Variants in TOR3A observed in about 807,000 individuals in gnomAD.
TOR3A encodes torsin family 3 member A, also known as torsin-3A.
A neutral mutation model predicts 42.1 loss-of-function variants in TOR3A; 44 were observed. The ratio of observed to expected loss-of-function variants is 1.04; its 90% confidence interval spans 0.82 to 1.34. The LOEUF (loss-of-function observed/expected upper bound fraction) is 1.34. Ranked by LOEUF, TOR3A falls within the 40% of genes most tolerant of loss-of-function variation. The pLI is 0.00. For synonymous variants in TOR3A, 227 were observed against 213.2 expected (o/e 1.06, Z -0.57); for missense variants, 521 against 507.6 (o/e 1.03, Z -0.25).
chr1:179,085,689 A>G lies in TOR3A; in HGVS notation c.435A>G (p.Leu145=). ...AGCATTTGGTCCAGCAGCTGGTCCT[A>G]AGAACAGTGAGGGGCTACTTAGAGA... The part of the protein sequence containing the change: ...HGQHLVQQLV[L]RTVRGYLETP... The change falls in exon 3 of 6, where the codon CTA becomes CTG. Residue 145 remains leucine (L), a synonymous_variant. Coordinates refer to ENST00000367627, the MANE Select transcript of TOR3A (RefSeq NM_022371.4). 1.2e-6 allele frequency: 2 copies of G among 1,614,180 alleles called. No homozygotes were observed. Among genetic ancestry groups the G allele is most frequent in the Non-Finnish European group, 1.7e-6 (2 of 1,180,036 alleles).
chr1:179,091,568 G>C (rs1173356045), intron 4 of TOR3A: 1 of 152,264 alleles, frequency 6.6e-6, no homozygotes, highest in African/African-American at 2.4e-5. Flanking sequence ...ATTTACTAAA[G>C]GCTGAGTGCC....
intron 3 of TOR3A, among the ~76,000 whole-genome samples, chr1:179,086,456 G>C (rs1393570663): frequency 1.3e-5 from 2 of 152,188 alleles, no homozygotes; most frequent in African/African-American, 4.8e-5. Flanking sequence ...CACGAGGTCA[G>C]GAGATCGAGA....
intron 2 of TOR3A, 143 bp from the exon 3 acceptor site, chr1:179,085,485 C>A: frequency 9.9e-7 from 1 of 1,005,446 alleles, no homozygotes; most frequent in Non-Finnish European, 1.5e-6. Context: ...TGCCCTCTGG[C>A]TTCTTATTCT....
At position 179,095,126 on chromosome 1, in the gene TOR3A, C is replaced by CAGATGATGGT; in HGVS notation, c.1103_1112dup (p.Tyr372AspfsTer25). 6.2e-7 allele frequency: 1 copy of CAGATGATGGT among 1,614,176 alleles called. No homozygotes were observed. Among genetic ancestry groups the CAGATGATGGT allele is most frequent in the South Asian group, 1.1e-5 (1 of 91,084 alleles). On this transcript the variant is annotated frameshift_variant, in exon 6 of 6. Coordinates refer to ENST00000367627, the MANE Select transcript of TOR3A (RefSeq NM_022371.4). LOFTEE classifies it high-confidence loss of function. ...AGAAGAGACACTGGATGAAATAGCCCAGATGATGGTGTATGTCCCCAAGGA... is the reference window on the plus strand; with the variant it reads ...AGAAGAGACACTGGATGAAATAGCCCAGATGATGGTAGATGATGGTGTATGTCCCCAAGGA...
In TOR3A at chr1:179,082,598, C is replaced by A. The variant is rs78417185; in HGVS notation, c.259+211C>A. On this transcript the variant is annotated intron_variant, in intron 1 of 5. Coordinates refer to ENST00000367627, the MANE Select transcript of TOR3A (RefSeq NM_022371.4). ...CCCACCCGCGTCCCCTGCGCACCCCCCTGGCGCCCGGCTTCCCGTCCCCCG... is the reference window on the plus strand; with the variant it reads ...CCCACCCGCGTCCCCTGCGCACCCCACTGGCGCCCGGCTTCCCGTCCCCCG... 3.5e-5 allele frequency: 27 copies of A among 775,612 alleles called. 1 individual carries two copies. The East Asian group carries it at 6.2e-4, about 18-fold the overall frequency. 48.0% of individuals were successfully genotyped at this position (775,612 alleles called of 1,614,324 possible).
Position 179,082,111 on chromosome 1 carries a change from C to G in TOR3A, c.-18C>G, listed in dbSNP as rs771110377. On this transcript the variant is annotated 5_prime_UTR_variant, in exon 1 of 6. Transcript: ENST00000367627. ...GGCTAGGCCGGCAGCCGGATGGTCC[C>G]GCAGCTCGGGGCCGGCCATGCTTCG... 7 of 1,460,798 alleles carry G rather than the reference C, an allele frequency of 4.8e-6. No homozygotes were observed. Among genetic ancestry groups the G allele is most frequent in the Non-Finnish European group, 6.3e-6 (7 of 1,118,732 alleles). The allele number at this position is 1,460,798 out of a possible 1,614,324, so 90.5% of individuals were successfully genotyped here.
At chr1:179,094,902 C>A (rs1193359327) in intron 5 of TOR3A, 66 bp from the exon 6 acceptor site, 1 of 1,515,064 alleles carries the variant, frequency 6.6e-7, no homozygotes, top group Admixed American at 1.7e-5. Flanking sequence ...CAACCCCCAC[C>A]CCCGCTAAAT....
chr1:179,082,158 G>T lies in TOR3A; in HGVS notation c.30G>T (p.Trp10Cys). Residue 10 changes from tryptophan to cysteine, a missense_variant, in exon 1 of 6, where the codon TGG becomes TGT. Transcript: ENST00000367627. MLRGPWRQL[W>C]LFFLLLLPGA... is the part of the protein sequence containing the mutation. Reference sequence around the variant, plus strand: ...TTCGCGGTCCGTGGCGCCAGCTTTGGCTCTTTTTCCTGCTGCTGCTCCCGG... The same window carrying T: ...TTCGCGGTCCGTGGCGCCAGCTTTGTCTCTTTTTCCTGCTGCTGCTCCCGG... The T allele has an allele frequency of 6.6e-7, 1 of 1,511,346 alleles. No homozygotes were observed. Among genetic ancestry groups the T allele is most frequent in the Non-Finnish European group, 8.8e-7 (1 of 1,139,874 alleles). 93.6% of individuals were successfully genotyped at this position (1,511,346 alleles called of 1,614,324 possible). A position where few individuals can be genotyped will look rare whatever the true frequency, so the allele number is the denominator to read the frequency against.
At chr1:179,094,889 C>A (rs1652690614) in intron 5 of TOR3A, 79 bp from the exon 6 acceptor site, 6 of 1,429,668 alleles carry the variant, frequency 4.2e-6, no homozygotes, top group South Asian at 1.2e-5. Context: ...AAGAAACCAA[C>A]AGCAACCCCC....
intron 3 of TOR3A, among the ~76,000 whole-genome samples, chr1:179,087,173 T>G (rs1652457626): frequency 6.6e-6 from 1 of 152,180 alleles, no homozygotes; most frequent in African/African-American, 2.4e-5. Context: ...GAATAATATA[T>G]TCCCTGCCCA....
intron 4 of TOR3A, among the ~76,000 whole-genome samples, chr1:179,093,021 G>A (rs1430047754): frequency 6.6e-6 from 1 of 152,158 alleles, no homozygotes; most frequent in East Asian, 1.9e-4. Context: ...GAGAAAGCAC[G>A]GGGAAGTGCA....
chr1:179,091,481 A>G (rs901645599), intron 4 of TOR3A, among the ~76,000 whole-genome samples: 15 of 152,098 alleles, frequency 9.9e-5, no homozygotes, highest in Admixed American at 6.6e-4. Context: ...AAGAAAAGGG[A>G]CTTTGGCTAT....
intron 1 of TOR3A, chr1:179,082,682 C>A: frequency 1.4e-6 from 1 of 705,042 alleles, no homozygotes; most frequent in Non-Finnish European, 2.6e-6. Flanking sequence ...ATCTCCCAGC[C>A]CACCCTGGCG....
chr1:179,084,142 G>T (rs763715277), intron 2 of TOR3A, among the ~76,000 whole-genome samples: 2 of 152,036 alleles, frequency 1.3e-5, no homozygotes, highest in South Asian at 4.1e-4. Context: ...CTGGCCAGCG[G>T]ATTGGAGACC....
intron 4 of TOR3A, among the ~76,000 whole-genome samples, chr1:179,090,016 C>T (rs999860243): frequency 2.0e-5 from 3 of 151,578 alleles, no homozygotes; most frequent in Non-Finnish European, 4.4e-5. Flanking sequence ...GTATTTTGGC[C>T]GTCGACCTGA....
intron 3 of TOR3A, among the ~76,000 whole-genome samples, chr1:179,087,492 G>T (rs1652463058): frequency 6.6e-6 from 1 of 152,252 alleles, no homozygotes; most frequent in Non-Finnish European, 1.5e-5. Flanking sequence ...AAACAGGGAA[G>T]TTGCGCCTGG....
chr1:179,094,110 T>TAATC lies in TOR3A; in HGVS notation c.840_843dup (p.Glu282GlnfsTer2). ...TCTTTCAGTAATCTCAGGGGCGATA[T>TAATC]AATCAATGAGGTGGTCCTAAAGTTG... is the stretch of plus-strand genomic sequence containing the variant. On this transcript the variant is annotated frameshift_variant, in exon 5 of 6. Transcript: ENST00000367627. LOFTEE classifies it high-confidence loss of function. The TAATC allele has an allele frequency of 1.2e-6, 2 of 1,613,838 alleles. No homozygotes were observed. The highest frequency in any genetic ancestry group is 2.7e-5 in the African/African-American group (2 of 75,004).
rs1652693740 is a variant in TOR3A at position 179,095,006 on chromosome 1, C to CTGAT, written c.986_989dup (p.Tyr331Ter). The CTGAT allele has an allele frequency of 6.2e-7, 1 of 1,614,206 alleles. No individual in the cohort carries two copies. The highest frequency in any genetic ancestry group is 1.1e-5 in the South Asian group (1 of 91,078). ...CCACAGCCGTCTTGTGAAGGAAAACCTGATTGACTACTTCATCCCCTTCCT... is the reference window on the plus strand; with the variant it reads ...CCACAGCCGTCTTGTGAAGGAAAACCTGATTGATTGACTACTTCATCCCCTTCCT... On this transcript the variant is annotated frameshift_variant, in exon 6 of 6. Transcript: ENST00000367627. LOFTEE classifies it high-confidence loss of function.
At chr1:179,094,379 G>T (rs1652677236) in intron 5 of TOR3A, among the ~76,000 whole-genome samples, 162 bp downstream of exon 5, 1 of 152,188 alleles carries the variant, frequency 6.6e-6, no homozygotes, top group Non-Finnish European at 1.5e-5. Context: ...CAAGAAAAGT[G>T]GTAAGAAAGC....
Sources: allele counts gnomAD v4.1 joint callset (sites outside exome capture counted in the v4.1 genomes callset), GRCh38; gene constraint gnomAD v4.1.1; transcripts MANE v1.5; gene names NCBI Gene and HGNC (gene_info 2026-07-23, HGNC 2026-07-21).